The following NBPF15 variants were observed in gnomAD, a reference collection of about 807,000 sequenced individuals.
NBPF15 encodes the protein NBPF member 15.
NBPF15 carries 74 observed loss-of-function variants against 62.2 expected under a neutral mutation model. The ratio of observed to expected loss-of-function variants is 1.19; its 90% CI spans 0.99 to 1.44. The LOEUF (loss-of-function observed/expected upper bound fraction) is 1.44. Ranked by LOEUF, NBPF15 falls within the 40% of genes most tolerant of loss-of-function variation. The probability of loss-of-function intolerance (pLI) is 0.00; values close to 1 mark genes in which losing one functional copy is unlikely to be tolerated. For synonymous variants in NBPF15, 244 were observed against 209.7 expected (o/e 1.16, Z -1.41); for missense variants, 790 against 550.0 (o/e 1.44, Z -4.36).
intron 6 of NBPF15, among the ~76,000 whole-genome samples, chr1:144,445,485 C>T (rs376672771): frequency 3.4e-5 from 5 of 146,654 alleles, no homozygotes; most frequent in Admixed American, 1.4e-4. Context: ...ATATATATTC[C>T]ATTTTTTTTT....
chr1:144,442,558 C>G (rs1212786611), intron 6 of NBPF15: 1 of 152,074 alleles, frequency 6.6e-6, no homozygotes, highest in African/African-American at 2.4e-5. Flanking sequence ...CCAACAGCAG[C>G]GACCAGAGGA....
rs1295183253 is a variant in NBPF15, at chr1:144,441,318, T to C, written c.-190-1023A>G. 6.5e-4 allele frequency among the ~76,000 whole-genome samples: 99 copies of C among 152,050 alleles called. 4 individuals are homozygous for C. Among genetic ancestry groups the C allele is most frequent in the African/African-American group, 2.2e-3 (93 of 41,424 alleles). ...AGATGTAGGCCATTTTCAGTTGCTC[T>C]ACATTCCCACACACTTAATATTTTC... On this transcript the variant is annotated intron_variant, in intron 6 of 21. Transcript: ENST00000581897.
At chr1:144,451,672 C>A (rs1240363544) in intron 4 of NBPF15, among the ~76,000 whole-genome samples, 2 of 151,604 alleles carry the variant, frequency 1.3e-5, no homozygotes, top group Non-Finnish European at 2.9e-5. Context: ...ACACCCTGAA[C>A]AGCCCTTAAT....
chr1:144,429,155 T>C (rs1207548945), intron 14 of NBPF15, among the ~76,000 whole-genome samples: 1 of 151,626 alleles, frequency 6.6e-6, no homozygotes, highest in Non-Finnish European at 1.5e-5. Flanking sequence ...GCCGTTTATC[T>C]AGAAAACGTA....
intron 17 of NBPF15, among the ~76,000 whole-genome samples, chr1:144,426,841 G>A (rs1341075574): frequency 4.7e-5 from 7 of 148,680 alleles, no homozygotes; most frequent in Non-Finnish European, 9.0e-5. Flanking sequence ...TTTGAGGTAT[G>A]GTCAACCTAT....
At chr1:144,458,846 C>A (rs1301434970) in intron 3 of NBPF15, among the ~76,000 whole-genome samples, 1 of 151,730 alleles carries the variant, frequency 6.6e-6, no homozygotes, top group Non-Finnish European at 1.5e-5. Flanking sequence ...TTGAGACCAA[C>A]CTGGGAAACA....
At chr1:144,427,352 T>C (rs1426287905) in intron 16 of NBPF15, among the ~76,000 whole-genome samples, 1 of 128,082 alleles carries the variant, frequency 7.8e-6, no homozygotes, top group Non-Finnish European at 1.6e-5. Flanking sequence ...TTTGTGCAAA[T>C]GGTTATGCCA....
chr1:144,448,189 C>A (rs1688919613), intron 6 of NBPF15, among the ~76,000 whole-genome samples: 3 of 152,094 alleles, frequency 2.0e-5, no homozygotes, highest in South Asian at 2.1e-4. Context: ...CTTCCACTAT[C>A]TCCCCTGTAG....
intron 6 of NBPF15, among the ~76,000 whole-genome samples, chr1:144,442,156 A>G (rs1683557394): frequency 4.0e-4 from 1 of 2,496 alleles, no homozygotes. Context: ...TAATATATAT[A>G]CACGTGTATA....
At chr1:144,440,624 T>C (rs2102238549) in intron 6 of NBPF15, 1 of 187,732 alleles carries the variant, frequency 5.3e-6, no homozygotes, top group South Asian at 1.4e-4. Context: ...AATAGAATCA[T>C]TTAGTATGTT....
At chr1:144,445,601 C>T (rs1686934244) in intron 6 of NBPF15, among the ~76,000 whole-genome samples, 1 of 148,452 alleles carries the variant, frequency 6.7e-6, no homozygotes, top group Non-Finnish European at 1.5e-5. Flanking sequence ...TTTTATTATT[C>T]TTGATCATTG....
intron 4 of NBPF15, 21 bp from the exon 5 acceptor site, chr1:144,450,891 C>T (rs1271190010): frequency 2.0e-6 from 1 of 510,124 alleles, no homozygotes; most frequent in African/African-American, 2.1e-5. Flanking sequence ...AAAAATGGTT[C>T]AGTGAAGGGA....
At chr1:144,438,761 C>T (rs1393967994) in intron 8 of NBPF15, among the ~76,000 whole-genome samples, 48 of 151,932 alleles carry the variant, frequency 3.2e-4, no homozygotes, top group Middle Eastern at 3.4e-3. Flanking sequence ...TATTGTAGTA[C>T]CCTCTGAACA....
At chr1:144,443,339 C>T (rs1315706850) in intron 6 of NBPF15, among the ~76,000 whole-genome samples, 2 of 151,968 alleles carry the variant, frequency 1.3e-5, no homozygotes, top group African/African-American at 4.8e-5. Flanking sequence ...ACCATTACTA[C>T]TGTTTTAAAA....
At chr1:144,445,853 C>CTTTTTTT (rs1229682742) in intron 6 of NBPF15, among the ~76,000 whole-genome samples, 1 of 105,410 alleles carries the variant, frequency 9.5e-6, no homozygotes, top group Non-Finnish European at 2.0e-5. Context: ...GTTGACTTTC[C>CTTTTTTT]TTTTTTTTTT....
At chr1:144,426,572 A>G in intron 17 of NBPF15, 122 bp from the exon 18 acceptor site, 4 of 717,648 alleles carry the variant, frequency 5.6e-6, no homozygotes, top group South Asian at 4.4e-5. Flanking sequence ...TCCATTAATG[A>G]GGTAATGAAT....
chr1:144,440,606 A>T (rs1360198876), intron 6 of NBPF15: 1 of 199,772 alleles, frequency 5.0e-6, no homozygotes, highest in African/African-American at 2.3e-5. Context: ...TGAAATCATA[A>T]ATAAAAAAAT....
intron 4 of NBPF15, among the ~76,000 whole-genome samples, chr1:144,454,673 T>G (rs1443729665): frequency 6.9e-6 from 1 of 145,062 alleles, no homozygotes; most frequent in Non-Finnish European, 1.5e-5. Context: ...GAGATTTCAA[T>G]GCCTGTGCCA....
In NBPF15 at chr1:144,442,171, TATA is replaced by T. The variant is rs1185964844; in HGVS notation, c.-190-1879_-190-1877del. 4.9e-4 allele frequency among the ~76,000 whole-genome samples: 56 copies of T among 114,300 alleles called. 8 individuals are homozygous for T. Among genetic ancestry groups the T allele is most frequent in the African/African-American group, 8.9e-4 (25 of 27,956 alleles). 75.0% of individuals were successfully genotyped at this position (114,300 alleles called of 152,430 possible). A position where few individuals can be genotyped will look rare whatever the true frequency, so the allele number is the denominator to read the frequency against. On this transcript the variant is annotated intron_variant, in intron 6 of 21. Coordinates refer to ENST00000581897, the MANE Select transcript of NBPF15 (RefSeq NM_001385408.1). ...TAATATATATACACGTGTATATATA[TATA>T]TATATAATATATATACACGTGTATA... is the stretch of plus-strand genomic sequence containing the variant.
Sources: allele counts gnomAD v4.1 joint callset (sites outside exome capture counted in the v4.1 genomes callset), GRCh38; gene constraint gnomAD v4.1.1; transcripts MANE v1.5; gene names NCBI Gene and HGNC (gene_info 2026-07-23, HGNC 2026-07-21).